CFAP91: variants seen among roughly 807,000 people sequenced by gnomAD.
CFAP91 encodes cilia- and flagella-associated protein 91.
CFAP91 carries 85 observed loss-of-function variants against 95.9 expected under a neutral mutation model. The ratio of observed to expected loss-of-function variants is 0.89; its 90% CI spans 0.74 to 1.06. CFAP91 has a LOEUF of 1.06. Ranked by LOEUF, CFAP91 falls within the 50% of genes least tolerant of loss-of-function variation. CFAP91 has a pLI of 0.00. For missense variants in CFAP91, 962 were observed against 943.4 expected, an observed-to-expected ratio of 1.02 and a Z score of -0.26; for synonymous variants, 335 against 327.5, an observed-to-expected ratio of 1.02 and a Z score of -0.25.
chr3:119,733,711 T>C (rs1299028665), intron 10 of CFAP91, among the ~76,000 whole-genome samples: 11 of 152,208 alleles, frequency 7.2e-5, no homozygotes, highest in Non-Finnish European at 1.5e-4. Context: ...GGAGATTTTT[T>C]TCCCCATTTG....
rs747341452 is a variant in CFAP91 at position 119,740,642 on chromosome 3, G to A, written c.1627G>A (p.Glu543Lys). The A allele has an allele frequency of 1.2e-5, 19 of 1,614,064 alleles. No homozygotes were observed. In the Admixed American group the frequency reaches 1.3e-4, roughly 11 times the overall value. ...QEDEKLVKKA[E>K]KQVTLALQRQ... ...AGATGAAAAGCTGGTGAAAAAAGCC[G>A]AGAAGCAAGTGACCCTGGCCTTACA... is the stretch of plus-strand genomic sequence containing the variant. Residue 543 changes from glutamate (E) to lysine (K), a missense_variant, in exon 13 of 18, where the codon GAG becomes AAG. Coordinates refer to ENST00000273390, the MANE Select transcript of CFAP91 (RefSeq NM_033364.4).
intron 14 of CFAP91, among the ~76,000 whole-genome samples, chr3:119,744,512 G>C (rs2054185867): frequency 6.6e-6 from 1 of 152,220 alleles, no homozygotes; most frequent in African/African-American, 2.4e-5. Flanking sequence ...TGGAGCACAG[G>C]CTGGAGGGAG....
At chr3:119,750,396 T>TCTC in intron 16 of CFAP91, 1 of 158,830 alleles carries the variant, frequency 6.3e-6, no homozygotes, top group South Asian at 1.7e-4. Flanking sequence ...CTTACCCTGA[T>TCTC]AGTGAATATT....
intron 1 of CFAP91, 164 bp downstream of exon 1, chr3:119,703,386 C>T: frequency 9.3e-7 from 1 of 1,075,900 alleles, no homozygotes; most frequent in Non-Finnish European, 1.3e-6. Flanking sequence ...TCCGAGCCCT[C>T]CAGGTGGCCG....
At chr3:119,715,808 A>G (rs547431789) in intron 6 of CFAP91, 65 bp downstream of exon 6, 1 of 1,440,132 alleles carries the variant, frequency 6.9e-7, no homozygotes, top group East Asian at 2.3e-5. Context: ...TGCTGTTCAA[A>G]TGGCCCATGT....
chr3:119,744,067 G>T lies in CFAP91; in HGVS notation c.1773G>T (p.Gln591His), dbSNP rs1309412061. 1 of 1,614,136 alleles carries T rather than the reference G, an allele frequency of 6.2e-7. No homozygotes were observed. The highest frequency in any genetic ancestry group is 8.5e-7 in the Non-Finnish European group (1 of 1,180,044). ...DFLSKELVRL[Q>H]EERRIHAFVM... ...TGTCCAAAGAGCTGGTGAGACTGCA[G>T]GAGGAGAGGAGGATCCATGCCTTTG... The change falls in exon 14 of 18, where the codon CAG (glutamine) becomes CAT (histidine). Residue 591 changes from glutamine (Q) to histidine (H), a missense_variant. Coordinates refer to ENST00000273390, the MANE Select transcript of CFAP91 (RefSeq NM_033364.4).
intron 6 of CFAP91, among the ~76,000 whole-genome samples, chr3:119,716,416 A>G (rs1047311362): frequency 1.3e-5 from 2 of 152,252 alleles, no homozygotes; most frequent in Non-Finnish European, 2.9e-5. Context: ...CCAAGGACAT[A>G]GAGATAGTTG....
At chr3:119,712,059 G>A (rs2053481916) in intron 5 of CFAP91, among the ~76,000 whole-genome samples, 1 of 152,214 alleles carries the variant, frequency 6.6e-6, no homozygotes, top group South Asian at 2.1e-4. Context: ...GCCAGAGCAG[G>A]TGAGCCTGAG....
intron 17 of CFAP91, among the ~76,000 whole-genome samples, chr3:119,760,703 T>C (rs2054522809): frequency 6.6e-6 from 1 of 151,200 alleles, no homozygotes; most frequent in Non-Finnish European, 1.5e-5. Context: ...GTATATAAAA[T>C]AGAAATCAGT....
chr3:119,744,169 G>A lies in CFAP91; in HGVS notation c.1875G>A (p.Leu625=). The change falls in exon 14 of 18, where the codon CTG becomes CTA. Residue 625 remains leucine (L), a synonymous_variant. Coordinates refer to ENST00000273390, the MANE Select transcript of CFAP91 (RefSeq NM_033364.4). ...SGRRQVEKQR[L]REEDEIFKEV... ...GGCGCCAGGTGGAAAAACAGCGCCT[G>A]CGGGAGGAGGACGAGATATTTAAGG... 6.2e-7 allele frequency: 1 copy of A among 1,613,556 alleles called. No individual in the cohort carries two copies. The highest frequency in any genetic ancestry group is 8.5e-7 in the Non-Finnish European group (1 of 1,179,654).
At chr3:119,710,891 C>A (rs1420793380) in intron 5 of CFAP91, among the ~76,000 whole-genome samples, 1 of 151,994 alleles carries the variant, frequency 6.6e-6, no homozygotes, top group Non-Finnish European at 1.5e-5. Flanking sequence ...CAGGACAAGA[C>A]AGCAGACTGG....
rs6438544 is a variant in CFAP91 at position 119,715,680 on chromosome 3, G to C, written c.619G>C (p.Ala207Pro). ...TGACGTTCAAACAGATCCATACTCT[G>C]CAGAATATGTAGTATGTCAGGACTC... ...DADVQTDPYSAEYVVCQDSIP... is the reference protein window; with the variant it reads ...DADVQTDPYSPEYVVCQDSIP... Residue 207 changes from alanine (A) to proline (P), a missense_variant, in exon 6 of 18, where the codon GCA becomes CCA. Ala to Pro is a conservative substitution (Grantham distance 27, BLOSUM62 -1). Coordinates refer to ENST00000273390, the MANE Select transcript of CFAP91 (RefSeq NM_033364.4). 0.98 allele frequency: 1,587,824 copies of C among 1,613,906 alleles called. 784,496 individuals are homozygous for C. Among genetic ancestry groups the C allele is most frequent in the East Asian group, 1 (44,884 of 44,884 alleles).
intron 17 of CFAP91, among the ~76,000 whole-genome samples, chr3:119,759,866 A>G (rs2054502709): frequency 6.6e-6 from 1 of 151,940 alleles, no homozygotes. Flanking sequence ...CAAAACAAAA[A>G]ACCTATATTA....
At chr3:119,760,262 A>G (rs555157513) in intron 17 of CFAP91, among the ~76,000 whole-genome samples, 1 of 152,054 alleles carries the variant, frequency 6.6e-6, no homozygotes, top group South Asian at 2.1e-4. Flanking sequence ...AATAGGTTTT[A>G]AGTAAAAAAC....
At chr3:119,734,377 A>G (rs1282258948) in intron 10 of CFAP91, among the ~76,000 whole-genome samples, 3 of 151,996 alleles carry the variant, frequency 2.0e-5, no homozygotes, top group Non-Finnish European at 4.4e-5. Context: ...CCACGCCCCC[A>G]TCTCCTTTCA....
intron 17 of CFAP91, among the ~76,000 whole-genome samples, chr3:119,763,865 G>C (rs186660638): frequency 2.4e-4 from 37 of 152,144 alleles, no homozygotes; most frequent in Admixed American, 6.5e-4. Flanking sequence ...TTGGTCAAAG[G>C]ATACAAAATT....
At chr3:119,750,805 G>A (rs2054310566) in intron 16 of CFAP91, 132 bp from the exon 17 acceptor site, 1 of 950,220 alleles carries the variant, frequency 1.1e-6, no homozygotes, top group Admixed American at 2.1e-5. Flanking sequence ...AGAGGGAGCA[G>A]AAAGAAATTA....
intron 6 of CFAP91, among the ~76,000 whole-genome samples, chr3:119,722,037 G>A (rs1396598843): frequency 1.3e-5 from 2 of 151,962 alleles, no homozygotes; most frequent in Middle Eastern, 3.2e-3. Flanking sequence ...GCCAAGTGTG[G>A]TGGTGCACAC....
At chr3:119,710,563 A>G (rs1481760388) in intron 5 of CFAP91, among the ~76,000 whole-genome samples, 1 of 152,258 alleles carries the variant, frequency 6.6e-6, no homozygotes, top group Non-Finnish European at 1.5e-5. Context: ...TTTGGAGAAG[A>G]CACAGACACA....
Sources: gnomAD v4.1 joint callset for allele counts (sites outside exome capture counted in the v4.1 genomes callset) on GRCh38, gnomAD v4.1.1 for gene constraint, MANE v1.5 for transcripts, NCBI Gene and HGNC (gene_info 2026-07-23, HGNC 2026-07-21) for gene names.